Variants in SMOX observed in about 807,000 individuals in gnomAD.
SMOX encodes spermine oxidase, also known as flavin containing amine oxidase.
In SMOX, 22 loss-of-function variants were observed where a neutral mutation model predicts 51.0. That is an observed-to-expected ratio of 0.43 (90% CI 0.31 to 0.62). The LOEUF (loss-of-function observed/expected upper bound fraction) is 0.62. Among genes scored for constraint, SMOX ranks in the 20% least tolerant of loss-of-function variants. The pLI is 0.10. For missense variants in SMOX, 566 were observed against 777.7 expected (o/e 0.73, Z 3.24); for synonymous variants, 282 against 307.8 (o/e 0.92, Z 0.88).
chr20:4,179,365 C>A (rs1032139132), intron 3 of SMOX, among the ~76,000 whole-genome samples: 1 of 151,700 alleles, frequency 6.6e-6, no homozygotes, highest in Admixed American at 6.6e-5. Flanking sequence ...CAAGAGAGTG[C>A]GTTGTGGATA....
rs1238411140 is a variant in SMOX at position 4,175,035 on chromosome 20, T to C, written c.-21T>C. 1.2e-6 allele frequency: 2 copies of C among 1,613,218 alleles called. No individual in the cohort carries two copies. The highest frequency in any genetic ancestry group is 1.7e-6 in the Non-Finnish European group (2 of 1,179,538). On this transcript the variant is annotated 5_prime_UTR_variant, in exon 2 of 7. Coordinates refer to ENST00000305958, the MANE Select transcript of SMOX (RefSeq NM_175839.3). ...GACACCTCCTCCCCCTGCAGGTTCC[T>C]AGAAGGTGAGCGCGGACGGTATGCA... is the stretch of plus-strand genomic sequence containing the variant.
At chr20:4,168,854 GCT>G (rs989533818) in intron 1 of SMOX, among the ~76,000 whole-genome samples, 2 of 149,676 alleles carry the variant, frequency 1.3e-5, no homozygotes, top group Non-Finnish European at 3.0e-5. Context: ...ACCATGCCTG[GCT>G]CTCTCTCTCT....
rs755712681 is a variant in SMOX, at chr20:4,172,306, C to T, written c.-26-2724C>T. On this transcript the variant is annotated intron_variant, in intron 1 of 6. Coordinates refer to ENST00000305958, the MANE Select transcript of SMOX (RefSeq NM_175839.3). This position sits in a 1 kb window ranked among gnomAD's most constrained non-coding sequence, Gnocchi z 7.7. The stretch of plus-strand genomic sequence containing the variant: ...CAGCTGGCGCGGCCCCTCCGGAGCA[C>T]GCCGCGTGTTTACCGACCTGACGCA... Among the ~76,000 whole-genome samples, 5 of 152,202 alleles carry T rather than the reference C, an allele frequency of 3.3e-5. No homozygotes were observed. Among genetic ancestry groups the T allele is most frequent in the East Asian group, 1.9e-4 (1 of 5,182 alleles).
At chr20:4,157,953 T>A (rs553590223) in intron 1 of SMOX, among the ~76,000 whole-genome samples, 1 of 152,108 alleles carries the variant, frequency 6.6e-6, no homozygotes, top group Non-Finnish European at 1.5e-5. Context: ...CAGGCTGGAG[T>A]GCAGCGGCGC....
chr20:4,174,039 T>C lies in SMOX; in HGVS notation c.-26-991T>C, dbSNP rs114399394. On this transcript the variant is annotated intron_variant, in intron 1 of 6. Coordinates refer to ENST00000305958, the MANE Select transcript of SMOX (RefSeq NM_175839.3). The stretch of plus-strand genomic sequence containing the variant: ...TGGGTCCTCTTGGTCCACTGTTTCC[T>C]GGGCTCCTTGCTGCTTTGTGGTGGC... Among the ~76,000 whole-genome samples the C allele has an allele frequency of 5.8e-3, 882 of 152,362 alleles. 8 individuals carry two copies. The highest frequency in any genetic ancestry group is 0.021 in the African/African-American group (856 of 41,584).
intron 2 of SMOX, chr20:4,175,908 G>A (rs1978800569): frequency 6.7e-6 from 1 of 148,346 alleles, no homozygotes; most frequent in Non-Finnish European, 1.5e-5. Flanking sequence ...GAGGGGGTGG[G>A]GGGGGGATGG....
In SMOX at chr20:4,187,195, G is replaced by A. The variant is rs529102248; in HGVS notation, c.1531-75G>A. 9.4e-4 allele frequency: 1,423 copies of A among 1,516,480 alleles called. 4 individuals carry two copies. Among genetic ancestry groups the A allele is most frequent in the Non-Finnish European group, 1.1e-3 (1,272 of 1,125,700 alleles). 93.9% of individuals were successfully genotyped at this position (1,516,480 alleles called of 1,614,324 possible). A position where few individuals can be genotyped will look rare whatever the true frequency, so the allele number is the denominator to read the frequency against. On this transcript the variant is annotated intron_variant, in intron 6 of 6. Coordinates refer to ENST00000305958, the MANE Select transcript of SMOX (RefSeq NM_175839.3). The surrounding 1 kb of genome is among the most constrained non-coding windows in gnomAD (Gnocchi z 4.8). ...TTTGTCATTGGGATGGGAGGTTCTG[G>A]TGGAGAGGGGTGGCCTTGTGGCCTT...
rs1280619409 is a variant in SMOX at position 4,183,516 on chromosome 20, T to C, written c.1392T>C (p.Pro464=). 6.2e-7 allele frequency: 1 copy of C among 1,614,038 alleles called. No homozygotes were observed. Among genetic ancestry groups the C allele is most frequent in the African/African-American group, 1.3e-5 (1 of 74,932 alleles). The part of the protein sequence containing the change: ...QFTGNPNIPK[P]RRILRSAWGS... ...CAGGGAACCCCAACATTCCAAAACC[T>C]CGGCGAATCTTGCGCTCGGCCTGGG... Residue 464 remains proline, a synonymous_variant, in exon 6 of 7, where the codon CCT becomes CCC. Coordinates refer to ENST00000305958, the MANE Select transcript of SMOX (RefSeq NM_175839.3). This position sits in a 1 kb window ranked among gnomAD's most constrained non-coding sequence, Gnocchi z 4.3.
intron 3 of SMOX, among the ~76,000 whole-genome samples, chr20:4,180,228 C>T (rs963441410): frequency 6.6e-6 from 1 of 152,228 alleles, no homozygotes; most frequent in Non-Finnish European, 1.5e-5. Context: ...TCACTTTCTT[C>T]TTTATAATTT....
In SMOX at chr20:4,177,471, GC is replaced by G; in HGVS notation, c.331del (p.Arg111AlafsTer39). The G allele has an allele frequency of 6.3e-7, 1 of 1,578,770 alleles. No individual in the cohort carries two copies. Among genetic ancestry groups the G allele is most frequent in the South Asian group, 1.2e-5 (1 of 86,504 alleles). ...EETTDGERSV[G>X]RISLYSKNGV... ...ACAACCGATGGGGAACGCAGCGTGG[GC>G]CGCATCAGCCTCTATTCCAAGAATG... On this transcript the variant is annotated frameshift_variant, in exon 3 of 7. Transcript: ENST00000305958. LOFTEE classifies it high-confidence loss of function. The surrounding 1 kb of genome is among the most constrained non-coding windows in gnomAD (Gnocchi z 4.3).
In SMOX at chr20:4,177,370, G is replaced by C. The variant is rs1369843761; in HGVS notation, c.228G>C (p.Leu76=). The C allele has an allele frequency of 6.4e-7, 1 of 1,552,728 alleles. No homozygotes were observed. The highest frequency in any genetic ancestry group is 1.2e-5 in the South Asian group (1 of 84,088). The change falls in exon 3 of 7, where the codon CTG becomes CTC. Residue 76 remains leucine (L), a synonymous_variant. Coordinates refer to ENST00000305958, the MANE Select transcript of SMOX (RefSeq NM_175839.3). The surrounding 1 kb of genome is among the most constrained non-coding windows in gnomAD (Gnocchi z 4.3). ...SVKLGHATFE[L]GATWIHGSHG... is the part of the protein sequence containing the mutation. The stretch of plus-strand genomic sequence containing the variant: ...CCTCAGGACACGCCACCTTTGAGCT[G>C]GGAGCCACCTGGATCCATGGCTCCC...
At chr20:4,152,980 C>T (rs1985837468) in intron 1 of SMOX, among the ~76,000 whole-genome samples, 1 of 152,230 alleles carries the variant, frequency 6.6e-6, no homozygotes, top group Non-Finnish European at 1.5e-5. Context: ...TGCCACTTCT[C>T]TCATGCCTCT....
In SMOX at chr20:4,167,166, G is replaced by A. The variant is rs962647972; in HGVS notation, c.-26-7864G>A. On this transcript the variant is annotated intron_variant, in intron 1 of 6. Coordinates refer to ENST00000305958, the MANE Select transcript of SMOX (RefSeq NM_175839.3). The surrounding 1 kb of genome is among the most constrained non-coding windows in gnomAD (Gnocchi z 4.8). Reference sequence around the variant, plus strand: ...GAGTCAGGATTGAGGGGCTCAGGCCGAGTCAGTATTGGGTTGGGGTCAGTC... The same window carrying A: ...GAGTCAGGATTGAGGGGCTCAGGCCAAGTCAGTATTGGGTTGGGGTCAGTC... 4.6e-5 allele frequency among the ~76,000 whole-genome samples: 7 copies of A among 152,200 alleles called. No homozygotes were observed. Among genetic ancestry groups the A allele is most frequent in the Non-Finnish European group, 8.8e-5 (6 of 68,038 alleles).
intron 1 of SMOX, among the ~76,000 whole-genome samples, chr20:4,157,870 C>T (rs1010696745): frequency 3.3e-5 from 5 of 152,040 alleles, no homozygotes; most frequent in Non-Finnish European, 7.4e-5. Flanking sequence ...TGTTCAGCAG[C>T]TCAGGTGGGG....
rs576928631 is a variant in SMOX, at chr20:4,153,782, C to T, written c.-27+4805C>T. 3.3e-5 allele frequency among the ~76,000 whole-genome samples: 5 copies of T among 152,290 alleles called. No individual in the cohort carries two copies. Among genetic ancestry groups the T allele is most frequent in the African/African-American group, 9.6e-5 (4 of 41,574 alleles). ...CTCTGGCAGGGGAGCATGGGGGAGG[C>T]CTGTCCACGGTGCCCAAGTCCTTGT... On this transcript the variant is annotated intron_variant, in intron 1 of 6. Coordinates refer to ENST00000305958, the MANE Select transcript of SMOX (RefSeq NM_175839.3). This position sits in a 1 kb window ranked among gnomAD's most constrained non-coding sequence, Gnocchi z 4.4.
At chr20:4,151,722 G>A (rs1232142695) in intron 1 of SMOX, among the ~76,000 whole-genome samples, 2 of 152,086 alleles carry the variant, frequency 1.3e-5, no homozygotes, top group Non-Finnish European at 2.9e-5. Flanking sequence ...GAAGTCCCCC[G>A]TAATTAATCG....
At chr20:4,168,839 G>A (rs1181473611) in intron 1 of SMOX, among the ~76,000 whole-genome samples, 1 of 152,016 alleles carries the variant, frequency 6.6e-6, no homozygotes, top group Admixed American at 6.5e-5. Context: ...TTACAGGCTT[G>A]AGGCACCATG....
intron 1 of SMOX, among the ~76,000 whole-genome samples, chr20:4,152,960 C>G (rs866883058): frequency 1.3e-5 from 2 of 152,202 alleles, no homozygotes; most frequent in African/African-American, 4.8e-5. Flanking sequence ...TGCTTGAAAT[C>G]GGTCCACTCT....
At chr20:4,186,776 C>T in intron 6 of SMOX, 3 of 781,080 alleles carry the variant, frequency 3.8e-6, no homozygotes, top group Admixed American at 1.7e-5. Flanking sequence ...GCCTGGTCAC[C>T]TTTTCTCTTC....
Sources: gnomAD v4.1 joint callset for allele counts (sites outside exome capture counted in the v4.1 genomes callset) on GRCh38, gnomAD v4.1.1 for gene constraint, Gnocchi (gnomAD v3.1) non-coding constraint, MANE v1.5 for transcripts, NCBI Gene and HGNC (gene_info 2026-07-23, HGNC 2026-07-21) for gene names.